Variants in FAM151B observed in about 807,000 individuals in gnomAD.
FAM151B encodes the protein family with sequence similarity 151 member B, also known as protein FAM151B.
FAM151B carries 24 observed loss-of-function variants against 31.2 expected under a neutral mutation model. That is an observed-to-expected ratio of 0.77 (90% CI 0.56 to 1.08). The LOEUF is 1.08. FAM151B is among the 50% of genes least tolerant of loss of function. The pLI is 0.00. For synonymous variants in FAM151B, 105 were observed against 111.4 expected (o/e 0.94, Z 0.36); for missense variants, 293 against 328.6 (o/e 0.89, Z 0.84).
chr5:80,502,426 C>CCCA (rs1743780973), intron 2 of FAM151B, among the ~76,000 whole-genome samples: 1 of 152,110 alleles, frequency 6.6e-6, no homozygotes, highest in Admixed American at 6.6e-5. Flanking sequence ...TAATGAGAAA[C>CCCA]CCACTCAATA....
intron 2 of FAM151B, among the ~76,000 whole-genome samples, chr5:80,509,456 T>A (rs1373299496): frequency 6.6e-6 from 1 of 152,190 alleles, no homozygotes; most frequent in Non-Finnish European, 1.5e-5. Flanking sequence ...GTATCAGCAC[T>A]TTGATATTGG....
At position 80,541,955 on chromosome 5, in the gene FAM151B, G is replaced by A. The variant is rs1398668249; in HGVS notation, c.*123G>A. On this transcript the variant is annotated 3_prime_UTR_variant, in exon 6 of 6. Coordinates refer to ENST00000282226, the MANE Select transcript of FAM151B (RefSeq NM_205548.3). ...GTTCCAAGTCATCTAATCAAGAAAC[G>A]TTTATTGTATGCTTACTCTGTGGGC... 5.8e-6 allele frequency: 6 copies of A among 1,040,638 alleles called. No individual in the cohort carries two copies. The highest frequency in any genetic ancestry group is 4.9e-5 in the African/African-American group (3 of 61,504). 64.5% of individuals were successfully genotyped at this position (1,040,638 alleles called of 1,614,324 possible).
chr5:80,505,700 A>G (rs1743929160), intron 2 of FAM151B, among the ~76,000 whole-genome samples: 1 of 143,176 alleles, frequency 7.0e-6, no homozygotes, highest in Non-Finnish European at 1.5e-5. Context: ...AGCCACATCC[A>G]TTGAGTTCTT....
At chr5:80,504,670 C>T (rs187163316) in intron 2 of FAM151B, among the ~76,000 whole-genome samples, 173 of 151,850 alleles carry the variant, frequency 1.1e-3, no homozygotes, top group Non-Finnish European at 1.9e-3. Flanking sequence ...TGGGCATGTG[C>T]CACCATGCCC....
Position 80,541,628 on chromosome 5 carries a change from T to G in FAM151B, c.672-45T>G, listed in dbSNP as rs760874824. 4.4e-6 allele frequency: 7 copies of G among 1,582,482 alleles called. No homozygotes were observed. In the East Asian group the frequency reaches 1.3e-4, roughly 30 times the overall value. On this transcript the variant is annotated intron_variant, in intron 5 of 5. Coordinates refer to ENST00000282226, the MANE Select transcript of FAM151B (RefSeq NM_205548.3). ...TAGGCTTATTGGAATGACTCATCGCTTTCTTCCACTTTTAACTGTATAATT... is the reference window on the plus strand; with the variant it reads ...TAGGCTTATTGGAATGACTCATCGCGTTCTTCCACTTTTAACTGTATAATT...
At chr5:80,502,192 A>G (rs545165799) in intron 2 of FAM151B, among the ~76,000 whole-genome samples, 2 of 152,296 alleles carry the variant, frequency 1.3e-5, no homozygotes, top group South Asian at 2.1e-4. Flanking sequence ...TCTGTGAGCC[A>G]TCACACCAGG....
At chr5:80,513,524 A>G in intron 2 of FAM151B, 80 bp from the exon 3 acceptor site, 1 of 1,361,416 alleles carries the variant, frequency 7.3e-7, no homozygotes, top group South Asian at 1.5e-5. Context: ...ATCTTCCTCA[A>G]AAGGATACTG....
chr5:80,538,448 C>CTTTT (rs1235874356), intron 5 of FAM151B, among the ~76,000 whole-genome samples: 1 of 49,348 alleles, frequency 2.0e-5, no homozygotes. Context: ...TTCTTTCTTT[C>CTTTT]TCTTTCTTTC....
chr5:80,505,030 A>G (rs539355843), intron 2 of FAM151B, among the ~76,000 whole-genome samples: 1 of 152,348 alleles, frequency 6.6e-6, no homozygotes, highest in African/African-American at 2.4e-5. Flanking sequence ...CACAAACATC[A>G]GGACTCAGCA....
intron 3 of FAM151B, among the ~76,000 whole-genome samples, chr5:80,514,723 C>A (rs1744342475): frequency 6.6e-6 from 1 of 151,970 alleles, no homozygotes; most frequent in Admixed American, 6.6e-5. Flanking sequence ...AGTAAGCCTA[C>A]TTCATCTCTG....
Position 80,523,289 on chromosome 5 carries a change from G to A in FAM151B, c.671+1151G>A, listed in dbSNP as rs529256178. Among the ~76,000 whole-genome samples the A allele has an allele frequency of 4.6e-5, 7 of 152,276 alleles. No homozygotes were observed. In the South Asian group the frequency reaches 1.4e-3, roughly 32 times the overall value. On this transcript the variant is annotated intron_variant, in intron 5 of 5. Transcript: ENST00000282226. The stretch of plus-strand genomic sequence containing the variant: ...CCCCCAATGTGTATGTCAGAGAAAT[G>A]TTAAGAATTCTGACAAATAAAGGAT...
chr5:80,510,216 A>G (rs374377814), intron 2 of FAM151B, among the ~76,000 whole-genome samples: 4 of 152,284 alleles, frequency 2.6e-5, no homozygotes, highest in African/African-American at 7.2e-5. Context: ...TAGGACGTTC[A>G]TGTAGCTGCA....
chr5:80,517,813 T>G (rs1036380826), intron 3 of FAM151B, among the ~76,000 whole-genome samples: 2 of 152,194 alleles, frequency 1.3e-5, no homozygotes, highest in Admixed American at 1.3e-4. Flanking sequence ...GGCTCATGCC[T>G]GTAATCCCAG....
intron 1 of FAM151B, chr5:80,495,180 T>C (rs958929457): frequency 2.6e-5 from 4 of 152,228 alleles, no homozygotes; most frequent in African/African-American, 4.8e-5. Flanking sequence ...TACTGTTGAT[T>C]GACAAGGCAC....
chr5:80,503,433 G>A (rs1048697431), intron 2 of FAM151B, among the ~76,000 whole-genome samples: 3 of 152,022 alleles, frequency 2.0e-5, no homozygotes, highest in African/African-American at 7.2e-5. Flanking sequence ...GCCGGGCATG[G>A]TGGCATGTAC....
At chr5:80,509,953 T>C (rs1037948350) in intron 2 of FAM151B, among the ~76,000 whole-genome samples, 1 of 152,210 alleles carries the variant, frequency 6.6e-6, no homozygotes, top group Non-Finnish European at 1.5e-5. Flanking sequence ...CCAGTAAGAA[T>C]TTCTGCACTG....
At chr5:80,501,633 G>T (rs1743751792) in intron 1 of FAM151B, among the ~76,000 whole-genome samples, 159 bp from the exon 2 acceptor site, 1 of 151,856 alleles carries the variant, frequency 6.6e-6, no homozygotes, top group Non-Finnish European at 1.5e-5. Context: ...ATGTTAATTT[G>T]CTTCATTATA....
At chr5:80,515,815 C>T (rs188127721) in intron 3 of FAM151B, among the ~76,000 whole-genome samples, 115 of 152,144 alleles carry the variant, frequency 7.6e-4, no homozygotes, top group Admixed American at 2.2e-3. Flanking sequence ...TCTCATTTTC[C>T]GGATGAGGCA....
chr5:80,540,733 G>A (rs1028977148), intron 5 of FAM151B, among the ~76,000 whole-genome samples: 1 of 152,096 alleles, frequency 6.6e-6, no homozygotes, highest in South Asian at 2.1e-4. Flanking sequence ...CTTTTTCTGT[G>A]TCCCTTAGCT....
Sources: allele counts gnomAD v4.1 joint callset (sites outside exome capture counted in the v4.1 genomes callset), GRCh38; gene constraint gnomAD v4.1.1; transcripts MANE v1.5; gene names NCBI Gene and HGNC (gene_info 2026-07-23, HGNC 2026-07-21).